Variants in DYNC1LI1 observed in about 807,000 individuals in gnomAD.
DYNC1LI1 encodes dynein cytoplasmic 1 light intermediate chain 1.
DYNC1LI1 carries 19 observed loss-of-function variants against 63.8 expected under a neutral mutation model. The ratio of observed to expected loss-of-function variants is 0.30; its 90% CI spans 0.21 to 0.44. The LOEUF is 0.44. DYNC1LI1 is among the 20% of genes least tolerant of loss of function. The pLI is 1.00. For missense variants in DYNC1LI1, 565 were observed against 630.2 expected, an observed-to-expected ratio of 0.90 and a Z score of 1.11; for synonymous variants, 225 against 232.3, an observed-to-expected ratio of 0.97 and a Z score of 0.28.
chr3:32,561,628 CAA>C (rs562836430), intron 2 of DYNC1LI1, among the ~76,000 whole-genome samples: 3 of 127,822 alleles, frequency 2.3e-5, no homozygotes, highest in African/African-American at 2.9e-5. Flanking sequence ...GACTTCATCT[CAA>C]AAAAAAAAAA....
At chr3:32,535,127 G>C (rs1405795286) in intron 6 of DYNC1LI1, among the ~76,000 whole-genome samples, 2 of 152,166 alleles carry the variant, frequency 1.3e-5, no homozygotes, top group South Asian at 2.1e-4. Flanking sequence ...TCACTGGAGA[G>C]AGCAAAAGAA....
At chr3:32,560,488 A>G (rs1360194814) in intron 2 of DYNC1LI1, among the ~76,000 whole-genome samples, 2 of 152,002 alleles carry the variant, frequency 1.3e-5, no homozygotes, top group Non-Finnish European at 2.9e-5. Context: ...AGGGCTTAAA[A>G]CCCTTTCCTG....
Position 32,537,926 on chromosome 3 carries a change from A to ATT in DYNC1LI1, c.739-823_739-822insAA, listed in dbSNP as rs1553617866. ...ATATATATATATAATTTATATATAT[A>ATT]ATATATATATAATATATATATAATT... On this transcript the variant is annotated intron_variant, in intron 5 of 12. Transcript: ENST00000273130. 5.2e-4 allele frequency among the ~76,000 whole-genome samples: 13 copies of ATT among 24,852 alleles called. 2 individuals carry two copies. Among genetic ancestry groups the ATT allele is most frequent in the Admixed American group, 3.7e-3 (5 of 1,346 alleles). The allele number at this position is 24,852 out of a possible 152,430, so 16.3% of individuals were successfully genotyped here. A position where few individuals can be genotyped will look rare whatever the true frequency, so the allele number is the denominator to read the frequency against.
chr3:32,532,031 T>C (rs1425863429), intron 8 of DYNC1LI1: 1 of 152,198 alleles, frequency 6.6e-6, no homozygotes, highest in African/African-American at 2.4e-5. Context: ...GGATAGTCAA[T>C]TTATTTATGC....
intron 3 of DYNC1LI1, chr3:32,545,400 G>A: frequency 2.3e-6 from 1 of 427,150 alleles, no homozygotes; most frequent in Non-Finnish European, 4.2e-6. Context: ...TGCATAACTT[G>A]TTTATGTTTT....
chr3:32,527,676 T>C (rs1697639217), intron 12 of DYNC1LI1, among the ~76,000 whole-genome samples: 1 of 152,106 alleles, frequency 6.6e-6, no homozygotes, highest in Admixed American at 6.6e-5. Flanking sequence ...CCCAAGAGAA[T>C]TACAAACAAA....
rs1575147591 is a variant in DYNC1LI1, at chr3:32,530,528, G to A, written c.1081-8C>T. On this transcript the variant is annotated splice_region_variant and splice_polypyrimidine_tract_variant and intron_variant, in intron 8 of 12. Transcript: ENST00000273130. ...TTCCTTCTCATGTACAAACTGAAATGAGCAATGCACAAATGAGCAAATTTA... is the reference window on the plus strand; with the variant it reads ...TTCCTTCTCATGTACAAACTGAAATAAGCAATGCACAAATGAGCAAATTTA... The A allele has an allele frequency of 2.5e-6, 4 of 1,610,880 alleles. No individual in the cohort carries two copies. Among genetic ancestry groups the A allele is most frequent in the Non-Finnish European group, 3.4e-6 (4 of 1,178,368 alleles).
intron 9 of DYNC1LI1, 41 bp downstream of exon 9, chr3:32,530,420 C>G: frequency 6.2e-7 from 1 of 1,605,036 alleles, no homozygotes; most frequent in Non-Finnish European, 8.5e-7. Context: ...AACAGTTTAC[C>G]CATTAACCAT....
intron 4 of DYNC1LI1, among the ~76,000 whole-genome samples, chr3:32,542,409 T>A (rs973809806): frequency 1.2e-5 from 1 of 82,314 alleles, no homozygotes; most frequent in Non-Finnish European, 2.8e-5. Flanking sequence ...CTATTTTCAA[T>A]TTTTTTTTTT....
rs60912161 is a variant in DYNC1LI1 at position 32,528,112 on chromosome 3, C to CAAAAAAAAAAAA, written c.1462+322_1462+333dup. ...TGGGCAACAGAACAAGACTCCATCT[C>CAAAAAAAAAAAA]AAAAAAAAAAAAAAAAAAAAAAAAA... On this transcript the variant is annotated intron_variant, in intron 12 of 12. Coordinates refer to ENST00000273130, the MANE Select transcript of DYNC1LI1 (RefSeq NM_016141.4). Among the ~76,000 whole-genome samples the CAAAAAAAAAAAA allele has an allele frequency of 1.5e-3, 44 of 29,906 alleles. 4 individuals are homozygous for CAAAAAAAAAAAA. The highest frequency in any genetic ancestry group is 2.6e-3 in the Non-Finnish European group (34 of 13,200). The allele number at this position is 29,906 out of a possible 152,430, so 19.6% of individuals were successfully genotyped here. A position where few individuals can be genotyped will look rare whatever the true frequency, so the allele number is the denominator to read the frequency against.
intron 12 of DYNC1LI1, 89 bp from the exon 13 acceptor site, chr3:32,526,997 C>A: frequency 2.3e-6 from 2 of 867,274 alleles, no homozygotes; most frequent in Admixed American, 2.4e-5. Context: ...AAAGTCCTAA[C>A]ACTTTCATTA....
intron 8 of DYNC1LI1, chr3:32,532,050 A>AT (rs879600608): frequency 1.3e-5 from 2 of 152,200 alleles, no homozygotes; most frequent in Non-Finnish European, 2.9e-5. Context: ...GCAAATACTC[A>AT]TTTTTATAGA....
chr3:32,528,411 A>C, intron 12 of DYNC1LI1, 35 bp downstream of exon 12: 1 of 1,612,838 alleles, frequency 6.2e-7, no homozygotes, highest in South Asian at 1.1e-5. Flanking sequence ...AAAAGCTGTT[A>C]TTTTAAACAA....
chr3:32,542,355 C>T (rs1441799367), intron 4 of DYNC1LI1, among the ~76,000 whole-genome samples: 1 of 151,794 alleles, frequency 6.6e-6, no homozygotes, highest in East Asian at 1.9e-4. Context: ...CCCACCTCAG[C>T]ATCCCAAAGT....
Position 32,527,030 on chromosome 3 carries a change from A to T in DYNC1LI1, c.1463-122T>A, listed in dbSNP as rs958351012. 5 of 650,996 alleles carry T rather than the reference A, an allele frequency of 7.7e-6. No homozygotes were observed. The African/African-American group carries it at 9.2e-5, about 12-fold the overall frequency. The allele number at this position is 650,996 out of a possible 1,614,324, so 40.3% of individuals were successfully genotyped here. A position where few individuals can be genotyped will look rare whatever the true frequency, so the allele number is the denominator to read the frequency against. On this transcript the variant is annotated intron_variant, in intron 12 of 12. Transcript: ENST00000273130. ...TTAACTTTATTTAGCACACTAAGTT[A>T]TACAAACAACACTTAATTTAAAAAT... is the stretch of plus-strand genomic sequence containing the variant.
Position 32,534,525 on chromosome 3 carries a change from CT to C in DYNC1LI1, c.953del (p.Lys318ArgfsTer16). 1.3e-6 allele frequency: 2 copies of C among 1,587,514 alleles called. No homozygotes were observed. The highest frequency in any genetic ancestry group is 1.7e-6 in the Non-Finnish European group (2 of 1,161,592). On this transcript the variant is annotated frameshift_variant, in exon 7 of 13. Transcript: ENST00000273130. LOFTEE classifies it high-confidence loss of function. The part of the protein sequence containing the change: ...PYKIPAVVVE[K>X]DAVFIPAGWD... Reference sequence around the variant, plus strand: ...AGTACACTTACATAAATACTGCATCCTTTTCCACAACAACAGCAGGAATCTT... The same window carrying C: ...AGTACACTTACATAAATACTGCATCCTTTCCACAACAACAGCAGGAATCTT...
rs750358072 is a variant in DYNC1LI1 at position 32,541,123 on chromosome 3, C to T, written c.652G>A (p.Asp218Asn). 3 of 1,613,670 alleles carry T rather than the reference C, an allele frequency of 1.9e-6. No homozygotes were observed. Among genetic ancestry groups the T allele is most frequent in the Non-Finnish European group, 2.5e-6 (3 of 1,179,714 alleles). Residue 218 changes from aspartate to asparagine, a missense_variant, in exon 5 of 13, where the codon GAC becomes AAC. Transcript: ENST00000273130. The part of the protein sequence containing the change: ...PQRRNTASQE[D>N]KDDSVVLPLG... ...GGTAAAACTACACTGTCATCTTTGT[C>T]TTCTTGTGACGCAGTATTTCTTCTC...
At chr3:32,565,119 A>G (rs1356896419) in intron 2 of DYNC1LI1, among the ~76,000 whole-genome samples, 1 of 152,220 alleles carries the variant, frequency 6.6e-6, no homozygotes, top group East Asian at 1.9e-4. Context: ...GTGGAATTAA[A>G]TGGCCCACAT....
rs587777902 is a variant in DYNC1LI1 at position 32,528,467 on chromosome 3, G to A, written c.1441C>T (p.Pro481Ser). The change falls in exon 12 of 13, where the codon CCA (proline) becomes TCA (serine). Residue 481 changes from proline (P) to serine (S), a missense_variant. Pro to Ser is a moderately conservative substitution (Grantham distance 74, BLOSUM62 -1). Coordinates refer to ENST00000273130, the MANE Select transcript of DYNC1LI1 (RefSeq NM_016141.4). ...ATACCTGACTTTTTGGTGGATGGTG[G>A]TAAACCACTGCTTCCACCTCCAGCC... ...GGAGGGSSGL[P>S]PSTKKSGQKP... is the part of the protein sequence containing the mutation. 6.2e-7 allele frequency: 1 copy of A among 1,613,924 alleles called. No individual in the cohort carries two copies. Among genetic ancestry groups the A allele is most frequent in the Non-Finnish European group, 8.5e-7 (1 of 1,179,986 alleles).
Sources: allele counts gnomAD v4.1 joint callset (sites outside exome capture counted in the v4.1 genomes callset), GRCh38; gene constraint gnomAD v4.1.1; transcripts MANE v1.5; gene names NCBI Gene and HGNC (gene_info 2026-07-23, HGNC 2026-07-21).